The following GDPD1 variants were observed in gnomAD, a reference collection of about 807,000 sequenced individuals.
GDPD1 encodes glycerophosphodiester phosphodiesterase domain containing 1.
GDPD1 carries 28 observed loss-of-function variants against 45.1 expected under a neutral mutation model. The ratio of observed to expected loss-of-function variants is 0.62; its 90% CI spans 0.46 to 0.85. The LOEUF (loss-of-function observed/expected upper bound fraction) is 0.85. GDPD1 is among the 40% of genes least tolerant of loss of function. The probability of loss-of-function intolerance (pLI) is 0.00; values close to 1 mark genes in which losing one functional copy is unlikely to be tolerated. For missense variants in GDPD1, 256 were observed against 364.8 expected, an observed-to-expected ratio of 0.70 and a Z score of 2.43; for synonymous variants, 139 against 131.4, an observed-to-expected ratio of 1.06 and a Z score of -0.40.
intron 9 of GDPD1, chr17:59,273,037 T>G: frequency 2.6e-6 from 3 of 1,132,324 alleles, no homozygotes; most frequent in Non-Finnish European, 3.6e-6. Context: ...ATTCCTCTTA[T>G]GTACAGAATA....
chr17:59,275,270 AAGTTATACATAATC>A lies in GDPD1; in HGVS notation c.*1500_*1513del. The A allele has an allele frequency of 8.0e-7, 1 of 1,256,536 alleles. No individual in the cohort carries two copies. The highest frequency in any genetic ancestry group is 1.1e-6 in the Non-Finnish European group (1 of 894,188). The allele number at this position is 1,256,536 out of a possible 1,614,324, so 77.8% of individuals were successfully genotyped here. On this transcript the variant is annotated 3_prime_UTR_variant, in exon 10 of 10. Coordinates refer to ENST00000284116, the MANE Select transcript of GDPD1 (RefSeq NM_182569.4). ...AATCAGTGATGTGTAGTTATTTGGC[AAGTTATACATAATC>A]AGCAGCAGCCAGGCTCAAGAAAATA...
At chr17:59,273,098 A>AATAT (rs1568353433) in intron 9 of GDPD1, 2 of 291,754 alleles carry the variant, frequency 6.9e-6, no homozygotes, top group Non-Finnish European at 1.2e-5. Context: ...TATATATATA[A>AATAT]ATATATGTAT....
intron 1 of GDPD1, among the ~76,000 whole-genome samples, chr17:59,233,564 T>G (rs928230742): frequency 7.3e-5 from 11 of 150,666 alleles, no homozygotes; most frequent in Non-Finnish European, 1.3e-4. Context: ...ATGAGACAGG[T>G]GGAGACTAAA....
intron 2 of GDPD1, among the ~76,000 whole-genome samples, chr17:59,238,900 A>G (rs562330834): frequency 6.6e-6 from 1 of 152,314 alleles, no homozygotes; most frequent in African/African-American, 2.4e-5. Flanking sequence ...CCTTCATAGT[A>G]AAGCACAGAA....
rs1203946108 is a variant in GDPD1 at position 59,255,762 on chromosome 17, A to AATAT, written c.368-1340_368-1337dup. On this transcript the variant is annotated intron_variant, in intron 4 of 9. Transcript: ENST00000284116. Reference sequence around the variant, plus strand: ...CCGTCTCAAAAAAAAAAAAAAAAAAAATATATATATATATATATATATACG... The same window carrying AATAT: ...CCGTCTCAAAAAAAAAAAAAAAAAAAATATATATATATATATATATATATATACG... 8.1e-3 allele frequency among the ~76,000 whole-genome samples: 359 copies of AATAT among 44,310 alleles called. 11 individuals are homozygous for AATAT. Among genetic ancestry groups the AATAT allele is most frequent in the Non-Finnish European group, 9.9e-3 (281 of 28,386 alleles). The allele number at this position is 44,310 out of a possible 152,430, so 29.1% of individuals were successfully genotyped here. A position where few individuals can be genotyped will look rare whatever the true frequency, so the allele number is the denominator to read the frequency against.
intron 4 of GDPD1, among the ~76,000 whole-genome samples, chr17:59,256,512 C>A (rs2047310221): frequency 6.6e-6 from 1 of 152,030 alleles, no homozygotes; most frequent in Admixed American, 6.6e-5. Context: ...TTTTTAATCT[C>A]TGAAAAAGTC....
intron 4 of GDPD1, among the ~76,000 whole-genome samples, chr17:59,249,865 A>G (rs1180675882): frequency 6.6e-6 from 1 of 152,184 alleles, no homozygotes; most frequent in Non-Finnish European, 1.5e-5. Context: ...TTTTAAAAGA[A>G]CTATAACTGC....
chr17:59,225,090 C>CTTTTTTTTTTT (rs796851725), intron 1 of GDPD1, among the ~76,000 whole-genome samples: 9 of 113,676 alleles, frequency 7.9e-5, no homozygotes, highest in South Asian at 2.9e-4. Flanking sequence ...TCTTTCTTTT[C>CTTTTTTTTTTT]TTTTTTTTTT....
At chr17:59,263,326 A>T (rs1027567019) in intron 6 of GDPD1, among the ~76,000 whole-genome samples, 2 of 152,074 alleles carry the variant, frequency 1.3e-5, no homozygotes, top group Non-Finnish European at 2.9e-5. Flanking sequence ...TTCTTTCAAA[A>T]TAAAAGGCTC....
intron 2 of GDPD1, among the ~76,000 whole-genome samples, chr17:59,241,372 C>T (rs1450806464): frequency 1.3e-5 from 2 of 152,124 alleles, no homozygotes; most frequent in African/African-American, 2.4e-5. Flanking sequence ...AGCTGGAGTG[C>T]AATGGTGCGA....
In GDPD1 at chr17:59,275,900, A is replaced by C. The variant is rs928790513; in HGVS notation, c.*2127A>C. 3 of 152,190 alleles carry C rather than the reference A, an allele frequency of 2.0e-5. No individual in the cohort carries two copies. Among genetic ancestry groups the C allele is most frequent in the African/African-American group, 7.2e-5 (3 of 41,454 alleles). 9.4% of individuals were successfully genotyped at this position (152,190 alleles called of 1,614,324 possible). A position where few individuals can be genotyped will look rare whatever the true frequency, so the allele number is the denominator to read the frequency against. On this transcript the variant is annotated 3_prime_UTR_variant, in exon 10 of 10. Coordinates refer to ENST00000284116, the MANE Select transcript of GDPD1 (RefSeq NM_182569.4). ...CTATGAAGAATGACTGTACTCTCCTATCTGTCCCTGGATGACATAAATATC... is the reference window on the plus strand; with the variant it reads ...CTATGAAGAATGACTGTACTCTCCTCTCTGTCCCTGGATGACATAAATATC...
At chr17:59,249,943 G>A (rs1049237306) in intron 4 of GDPD1, among the ~76,000 whole-genome samples, 1 of 152,056 alleles carries the variant, frequency 6.6e-6, no homozygotes, top group Non-Finnish European at 1.5e-5. Flanking sequence ...CCAGCTACTT[G>A]GGAGACTGAG....
At chr17:59,236,481 TTTGTTGTTG>T (rs553192288) in intron 2 of GDPD1, among the ~76,000 whole-genome samples, 1 of 151,746 alleles carries the variant, frequency 6.6e-6, no homozygotes, top group Admixed American at 6.6e-5. Flanking sequence ...ACATGCTATT[TTTGTTGTTG>T]TTGTTGTTGT....
chr17:59,236,873 C>A (rs1177821163), intron 2 of GDPD1, among the ~76,000 whole-genome samples: 2 of 151,986 alleles, frequency 1.3e-5, no homozygotes, highest in Non-Finnish European at 2.9e-5. Flanking sequence ...ATCAACTGAC[C>A]TAGAAATTTA....
intron 5 of GDPD1, 77 bp downstream of exon 5, chr17:59,257,317 A>T: frequency 1.4e-6 from 1 of 722,140 alleles, no homozygotes; most frequent in Non-Finnish European, 2.4e-6. Context: ...CAGTGACTGC[A>T]TAGATTGATA....
chr17:59,250,303 C>T (rs554126131), intron 4 of GDPD1, among the ~76,000 whole-genome samples: 2 of 151,982 alleles, frequency 1.3e-5, no homozygotes, highest in Non-Finnish European at 2.9e-5. Context: ...CTTTGTAGAG[C>T]AAAGCCAAAG....
chr17:59,230,916 A>G (rs964036601), intron 1 of GDPD1, among the ~76,000 whole-genome samples: 1 of 152,230 alleles, frequency 6.6e-6, no homozygotes, highest in African/African-American at 2.4e-5. Flanking sequence ...AAGGATGCCA[A>G]TGACAGAATA....
chr17:59,274,047 T>G lies in GDPD1; in HGVS notation c.*274T>G. On this transcript the variant is annotated 3_prime_UTR_variant, in exon 10 of 10. Transcript: ENST00000284116. ...CTTAATGTGCATTTTTGTTTCTAGA[T>G]CTTATACAGAAATCTTGATTAATAA... 1.4e-6 allele frequency: 1 copy of G among 734,284 alleles called. No homozygotes were observed. Among genetic ancestry groups the G allele is most frequent in the Non-Finnish European group, 1.7e-6 (1 of 600,892 alleles). 45.5% of individuals were successfully genotyped at this position (734,284 alleles called of 1,614,324 possible). A position where few individuals can be genotyped will look rare whatever the true frequency, so the allele number is the denominator to read the frequency against.
chr17:59,234,430 A>G (rs1018637870), intron 1 of GDPD1, 62 bp from the exon 2 acceptor site: 7 of 1,051,186 alleles, frequency 6.7e-6, no homozygotes, highest in Non-Finnish European at 1.0e-5. Context: ...GTATTTTATT[A>G]AAATTAACTT....
Sources: allele counts gnomAD v4.1 joint callset (sites outside exome capture counted in the v4.1 genomes callset), GRCh38; gene constraint gnomAD v4.1.1; transcripts MANE v1.5; gene names NCBI Gene and HGNC (gene_info 2026-07-23, HGNC 2026-07-21).